AP3B2: variants seen among roughly 807,000 people sequenced by gnomAD.
AP3B2 encodes the protein adaptor related protein complex 3 subunit beta 2.
A neutral mutation model predicts 126.9 loss-of-function variants in AP3B2; 50 were observed. The observed-to-expected ratio is 0.39, with a 90% CI of 0.31 to 0.50. The LOEUF (loss-of-function observed/expected upper bound fraction) is 0.50, where lower values mean the gene tolerates loss of function less well. Ranked by LOEUF, AP3B2 falls within the 20% of genes least tolerant of loss-of-function variation. The pLI is 0.79. For missense variants in AP3B2, 1,177 were observed against 1,426.4 expected, an observed-to-expected ratio of 0.83 and a Z score of 2.82; for synonymous variants, 541 against 565.0, an observed-to-expected ratio of 0.96 and a Z score of 0.60.
chr15:82,679,613 C>G lies in AP3B2; in HGVS notation c.1182+116G>C. ...CAGCTCCAGCTGGGGCAGTCATGGG[C>G]TCCTGGGCTCAGCCCCAGGAATAGG... On this transcript the variant is annotated intron_variant, in intron 10 of 26. Transcript: ENST00000535359. The G allele has an allele frequency of 3.1e-6, 3 of 968,278 alleles. No homozygotes were observed. The South Asian group carries it at 4.5e-5, about 14-fold the overall frequency. 60.0% of individuals were successfully genotyped at this position (968,278 alleles called of 1,614,324 possible).
chr15:82,683,329 T>C, intron 4 of AP3B2, among the ~76,000 whole-genome samples: 1 of 152,166 alleles, frequency 6.6e-6, no homozygotes, highest in Admixed American at 6.5e-5. Context: ...AATGCTGGGA[T>C]TACAGGCGTG....
Position 82,664,402 on chromosome 15 carries a change from C to A in AP3B2, c.2226G>T (p.Gln742His). 6.2e-7 allele frequency: 1 copy of A among 1,613,952 alleles called. No homozygotes were observed. Among genetic ancestry groups the A allele is most frequent in the Non-Finnish European group, 8.5e-7 (1 of 1,179,878 alleles). ...ESSSESDNED[Q>H]DEDEEKGRGS... is the part of the protein sequence containing the mutation. ...CTCTCCCTTTCTCCTCATCCTCATCCTGGTCTTCATTGTCGGACTCACTGC... is the reference window on the plus strand; with the variant it reads ...CTCTCCCTTTCTCCTCATCCTCATCATGGTCTTCATTGTCGGACTCACTGC... Residue 742 changes from glutamine (Q) to histidine (H), a missense_variant, in exon 19 of 27, where the codon CAG becomes CAT. Gln to His is a conservative substitution (Grantham distance 24, BLOSUM62 0). This residue lies in a region of AP3B2 where 587 missense variants were observed against 571.3 expected (regional missense o/e 1.03). Coordinates refer to ENST00000535359, the MANE Select transcript of AP3B2 (RefSeq NM_001278512.2). The surrounding 1 kb of genome is among the most constrained non-coding windows in gnomAD (Gnocchi z 4.5).
In AP3B2 at chr15:82,663,190, C is replaced by CA; in HGVS notation, c.2540dup (p.Ser848ValfsTer7). The CA allele has an allele frequency of 6.2e-7, 1 of 1,613,116 alleles. No homozygotes were observed. ...CCAGGTCAGCAGCCAGACTGGTAGA[C>CA]ACAATTGCTGGGGGAGACACAGGCT... On this transcript the variant is annotated frameshift_variant, in exon 22 of 27. Coordinates refer to ENST00000535359, the MANE Select transcript of AP3B2 (RefSeq NM_001278512.2). LOFTEE classifies it high-confidence loss of function.
Position 82,681,624 on chromosome 15 carries a change from G to C in AP3B2, c.361-44C>G, listed in dbSNP as rs773275697. ...GCAGAGCTATGAAAGGGCACCAGGT[G>C]CCCTGATGGGGGGAGGCCACACCTT... On this transcript the variant is annotated intron_variant, in intron 4 of 26. Transcript: ENST00000535359. The surrounding 1 kb of genome is among the most constrained non-coding windows in gnomAD (Gnocchi z 4.0). The C allele has an allele frequency of 1.3e-6, 2 of 1,593,484 alleles. No homozygotes were observed. Among genetic ancestry groups the C allele is most frequent in the Non-Finnish European group, 1.7e-6 (2 of 1,171,452 alleles).
intron 20 of AP3B2, 79 bp from the exon 21 acceptor site, chr15:82,663,699 T>G: frequency 6.2e-7 from 1 of 1,609,300 alleles, no homozygotes; most frequent in African/African-American, 1.3e-5. Flanking sequence ...AGATGTCATG[T>G]TCTGTTCTGG....
rs780167909 is a variant in AP3B2, at chr15:82,663,931, A to G, written c.2306T>C (p.Val769Ala). Reference protein sequence around the residue: ...EDGKRKTKKKVPERKGEASSS... With the variant: ...EDGKRKTKKKAPERKGEASSS... ...TGACGCTTCTCCTTTTCTCTCTGGC[A>G]CCTTCTTCTTTGTCTTCCTCTTACC... Residue 769 changes from valine to alanine, a missense_variant, in exon 20 of 27, where the codon GTG becomes GCG. By Grantham distance (64) the Val-to-Ala change is moderately conservative (BLOSUM62 0). Coordinates refer to ENST00000535359, the MANE Select transcript of AP3B2 (RefSeq NM_001278512.2). 6.2e-7 allele frequency: 1 copy of G among 1,610,098 alleles called. No individual in the cohort carries two copies. The highest frequency in any genetic ancestry group is 1.3e-5 in the African/African-American group (1 of 74,962).
chr15:82,709,485 C>T, intron 1 of AP3B2, 109 bp downstream of exon 1: 2 of 708,420 alleles, frequency 2.8e-6, no homozygotes, highest in Non-Finnish European at 3.6e-6. Flanking sequence ...CCGGTCGGCG[C>T]GGCCGGGGCG....
At position 82,680,160 on chromosome 15, in the gene AP3B2, C is replaced by T; in HGVS notation, c.1110+15G>A. 2 of 1,613,020 alleles carry T rather than the reference C, an allele frequency of 1.2e-6. No homozygotes were observed. The highest frequency in any genetic ancestry group is 1.7e-6 in the Non-Finnish European group (2 of 1,179,776). Reference sequence around the variant, plus strand: ...GCCCTCGGACAGCGAGGACAGCCCGCCGTCGCAGGCTCACCCGGCGCTTGA... The same window carrying T: ...GCCCTCGGACAGCGAGGACAGCCCGTCGTCGCAGGCTCACCCGGCGCTTGA... On this transcript the variant is annotated intron_variant, in intron 9 of 26. Coordinates refer to ENST00000535359, the MANE Select transcript of AP3B2 (RefSeq NM_001278512.2). The surrounding 1 kb of genome is among the most constrained non-coding windows in gnomAD (Gnocchi z 6.1).
chr15:82,660,288 A>C (rs1418998489), intron 25 of AP3B2, among the ~76,000 whole-genome samples: 2 of 152,032 alleles, frequency 1.3e-5, no homozygotes, highest in Non-Finnish European at 2.9e-5. Flanking sequence ...GTGGCCAGTC[A>C]GTTCTTAAGA....
Position 82,662,855 on chromosome 15 carries a change from G to A in AP3B2, c.2672C>T (p.Ala891Val). 6.2e-7 allele frequency: 1 copy of A among 1,613,698 alleles called. No individual in the cohort carries two copies. Among genetic ancestry groups the A allele is most frequent in the Non-Finnish European group, 8.5e-7 (1 of 1,179,810 alleles). ...LLHRVAGEGL[A>V]VDYTFSRQPF... ...TTGGCGGCTGAAGGTGTAGTCCACA[G>A]CCAGCCCCTCGCCAGCTACCCGGTG... Residue 891 changes from alanine (A) to valine (V), a missense_variant, in exon 23 of 27, where the codon GCT becomes GTT. Around this residue, in one of 5 missense-constraint regions of AP3B2, gnomAD observed 587 missense variants for 571.3 expected, o/e 1.03. Coordinates refer to ENST00000535359, the MANE Select transcript of AP3B2 (RefSeq NM_001278512.2).
At chr15:82,673,815 C>T (rs1184142889) in intron 14 of AP3B2, among the ~76,000 whole-genome samples, 3 of 152,178 alleles carry the variant, frequency 2.0e-5, no homozygotes, top group Non-Finnish European at 2.9e-5. Context: ...AAAAGCAATT[C>T]TGCAAAATTT....
chr15:82,665,937 G>C lies in AP3B2; in HGVS notation c.1853-362C>G, dbSNP rs1226061040. Among the ~76,000 whole-genome samples, 2 of 152,186 alleles carry C rather than the reference G, an allele frequency of 1.3e-5. No homozygotes were observed. Among genetic ancestry groups the C allele is most frequent in the African/African-American group, 4.8e-5 (2 of 41,452 alleles). On this transcript the variant is annotated intron_variant, in intron 15 of 26. Transcript: ENST00000535359. The surrounding 1 kb of genome is among the most constrained non-coding windows in gnomAD (Gnocchi z 4.4). Reference sequence around the variant, plus strand: ...TGAACAGTCAGAGCATGAGTGTGTAGAAGTCTGGATCAGAGTTGAGGCACT... The same window carrying C: ...TGAACAGTCAGAGCATGAGTGTGTACAAGTCTGGATCAGAGTTGAGGCACT...
chr15:82,679,818 G>C lies in AP3B2; in HGVS notation c.1111-18C>G. The C allele has an allele frequency of 6.2e-7, 1 of 1,612,188 alleles. No individual in the cohort carries two copies. Among genetic ancestry groups the C allele is most frequent in the Non-Finnish European group, 8.5e-7 (1 of 1,178,344 alleles). On this transcript the variant is annotated intron_variant, in intron 9 of 26. Coordinates refer to ENST00000535359, the MANE Select transcript of AP3B2 (RefSeq NM_001278512.2). ...AACATACCCTGGCACAAGAGAGGCA[G>C]CTAGGGAGCTCCACCGAAGCCCCAG...
rs1397958517 is a variant in AP3B2 at position 82,688,330 on chromosome 15, G to T, written c.360+406C>A. ...AAATGAAACAAAAGGTGAGAATGGT[G>T]TGGGGGATTCAGGCCACTGCTAAAG... On this transcript the variant is annotated intron_variant, in intron 4 of 26. Coordinates refer to ENST00000535359, the MANE Select transcript of AP3B2 (RefSeq NM_001278512.2). 8 of 672,188 alleles carry T rather than the reference G, an allele frequency of 1.2e-5. No homozygotes were observed. In the Admixed American group the frequency reaches 1.5e-4, roughly 13 times the overall value. The allele number at this position is 672,188 out of a possible 1,614,324, so 41.6% of individuals were successfully genotyped here. A position where few individuals can be genotyped will look rare whatever the true frequency, so the allele number is the denominator to read the frequency against.
chr15:82,692,087 C>G, intron 1 of AP3B2: 2 of 1,494,578 alleles, frequency 1.3e-6, no homozygotes, highest in Non-Finnish European at 9.2e-7. Flanking sequence ...CCATTCCTCC[C>G]ACCACGGGGC....
In AP3B2 at chr15:82,679,941, G is replaced by A. The variant is rs1257655758; in HGVS notation, c.1111-141C>T. ...CCCTCCACTCCTCAAGTCTTCCCTC[G>A]TCCATCTCAGATCTGACTAGCTCTT... On this transcript the variant is annotated intron_variant, in intron 9 of 26. Transcript: ENST00000535359. 5 of 925,764 alleles carry A rather than the reference G, an allele frequency of 5.4e-6. No individual in the cohort carries two copies. The South Asian group carries it at 6.1e-5, about 11-fold the overall frequency. The allele number at this position is 925,764 out of a possible 1,614,324, so 57.3% of individuals were successfully genotyped here.
Position 82,689,442 on chromosome 15 carries a change from A to G in AP3B2, c.125T>C (p.Leu42Pro). Residue 42 changes from leucine (L) to proline (P), a missense_variant, in exon 2 of 27, where the codon CTG (leucine) becomes CCG (proline). Leu to Pro is a moderately conservative substitution (Grantham distance 98). Around this residue, in one of 5 missense-constraint regions of AP3B2, gnomAD observed 130 missense variants for 262.0 expected, o/e 0.50. Coordinates refer to ENST00000535359, the MANE Select transcript of AP3B2 (RefSeq NM_001278512.2). ...CTTGTTGGTGTCCAGCATCTCCTTCAGGTCATCATGCCTGGTGGGAGGTAC... is the reference window on the plus strand; with the variant it reads ...CTTGTTGGTGTCCAGCATCTCCTTCGGGTCATCATGCCTGGTGGGAGGTAC... ...FSSDYKRHDD[L>P]KEMLDTNKDS... 1 of 1,613,508 alleles carries G rather than the reference A, an allele frequency of 6.2e-7. No homozygotes were observed. Among genetic ancestry groups the G allele is most frequent in the Non-Finnish European group, 8.5e-7 (1 of 1,179,750 alleles).
At chr15:82,686,754 C>G (rs1012926663) in intron 4 of AP3B2, 4 of 150,378 alleles carry the variant, frequency 2.7e-5, no homozygotes, top group Non-Finnish European at 5.9e-5. Context: ...ATGGATCTCA[C>G]ACTGTCGCCT....
chr15:82,665,154 G>C lies in AP3B2; in HGVS notation c.2028+93C>G. ...GCACTGCCAAACCAAGGTGGAAACAGAGTATGGGAAGGCCCAGGAGCACAA... is the reference window on the plus strand; with the variant it reads ...GCACTGCCAAACCAAGGTGGAAACACAGTATGGGAAGGCCCAGGAGCACAA... On this transcript the variant is annotated intron_variant, in intron 17 of 26. Transcript: ENST00000535359. The surrounding 1 kb of genome is among the most constrained non-coding windows in gnomAD (Gnocchi z 4.4). 1 of 1,395,828 alleles carries C rather than the reference G, an allele frequency of 7.2e-7. No individual in the cohort carries two copies. Among genetic ancestry groups the C allele is most frequent in the Non-Finnish European group, 9.8e-7 (1 of 1,022,904 alleles). The allele number at this position is 1,395,828 out of a possible 1,614,324, so 86.5% of individuals were successfully genotyped here. A position where few individuals can be genotyped will look rare whatever the true frequency, so the allele number is the denominator to read the frequency against.
Sources: allele counts gnomAD v4.1 joint callset (sites outside exome capture counted in the v4.1 genomes callset), GRCh38; gene constraint gnomAD v4.1.1; regional missense constraint gnomAD v4.1.1; non-coding constraint Gnocchi (gnomAD v3.1); transcripts MANE v1.5; gene names NCBI Gene and HGNC (gene_info 2026-07-23, HGNC 2026-07-21).